Variants in CCDC90B observed in about 807,000 individuals in gnomAD.
CCDC90B encodes the protein coiled-coil domain-containing protein 90B, mitochondrial.
In CCDC90B, 24 loss-of-function variants were observed where a neutral mutation model predicts 37.0. The ratio of observed to expected loss-of-function variants is 0.65; its 90% CI spans 0.47 to 0.91. The LOEUF is 0.91. Among genes scored for constraint, CCDC90B ranks in the 40% least tolerant of loss-of-function variants. CCDC90B has a pLI of 0.00. For missense variants in CCDC90B, 319 were observed against 299.0 expected (o/e 1.07, Z -0.49); for synonymous variants, 113 against 101.1 (o/e 1.12, Z -0.71).
chr11:83,262,656 T>C (rs1863993776), intron 8 of CCDC90B, among the ~76,000 whole-genome samples: 1 of 152,168 alleles, frequency 6.6e-6, no homozygotes, highest in South Asian at 2.1e-4. Flanking sequence ...GAGAGATGAA[T>C]GGAAAACTTT....
intron 8 of CCDC90B, 147 bp from the exon 9 acceptor site, chr11:83,262,113 A>T: frequency 1.8e-6 from 1 of 545,852 alleles, no homozygotes. Context: ...CTAGACAATT[A>T]AGTATGAAAG....
chr11:83,280,599 A>G (rs946128280), intron 1 of CCDC90B, among the ~76,000 whole-genome samples: 9 of 152,258 alleles, frequency 5.9e-5, no homozygotes, highest in East Asian at 1.9e-4. Flanking sequence ...GCACAATTCA[A>G]TTCTTCTCTG....
Position 83,259,614 on chromosome 11 carries a change from G to C in CCDC90B, c.*2297C>G, listed in dbSNP as rs570804342. The stretch of plus-strand genomic sequence containing the variant: ...GATGAAGAATGAATAAACTAATATA[G>C]AGGCCTAAAAAACACCTTTATTTGC... On this transcript the variant is annotated 3_prime_UTR_variant, in exon 9 of 9. Transcript: ENST00000529689. 100 of 152,212 alleles carry C rather than the reference G, an allele frequency of 6.6e-4. No homozygotes were observed. Among genetic ancestry groups the C allele is most frequent in the African/African-American group, 2.3e-3 (95 of 41,546 alleles). 9.4% of individuals were successfully genotyped at this position (152,212 alleles called of 1,614,324 possible). A position where few individuals can be genotyped will look rare whatever the true frequency, so the allele number is the denominator to read the frequency against.
intron 7 of CCDC90B, among the ~76,000 whole-genome samples, chr11:83,266,561 C>T (rs759902085): frequency 7.2e-5 from 11 of 152,226 alleles, no homozygotes; most frequent in Non-Finnish European, 1.0e-4. Context: ...AAGGGGCATC[C>T]GCCATTGCTG....
intron 1 of CCDC90B, among the ~76,000 whole-genome samples, chr11:83,282,617 A>G (rs557446665): frequency 1.8e-4 from 27 of 152,236 alleles, no homozygotes; most frequent in African/African-American, 6.3e-4. Context: ...TTCCACAAAC[A>G]TGCCATGTGC....
chr11:83,273,914 G>T (rs778743119), intron 5 of CCDC90B, 37 bp downstream of exon 5: 4 of 1,590,480 alleles, frequency 2.5e-6, no homozygotes, highest in Non-Finnish European at 3.4e-6. Flanking sequence ...ACGAATATTT[G>T]TTCTGAAATT....
At position 83,285,978 on chromosome 11, in the gene CCDC90B, CAG is replaced by C. The variant is rs1565223766; in HGVS notation, c.-8_-7del. 1.9e-6 allele frequency: 3 copies of C among 1,607,240 alleles called. No homozygotes were observed. The highest frequency in any genetic ancestry group is 2.2e-5 in the East Asian group (1 of 44,564). On this transcript the variant is annotated 5_prime_UTR_variant, in exon 1 of 9. Transcript: ENST00000529689. ...CAAGCCTGGCGACTATTCATGTCCT[CAG>C]AGTTTTCCGGTGGGAGGGAGGCGGA... is the stretch of plus-strand genomic sequence containing the variant.
intron 8 of CCDC90B, among the ~76,000 whole-genome samples, chr11:83,263,041 C>G (rs1241894016): frequency 6.6e-6 from 1 of 152,080 alleles, no homozygotes; most frequent in Non-Finnish European, 1.5e-5. Context: ...CGCTAGCAAA[C>G]AGTGGAGCCG....
rs1338430128 is a variant in CCDC90B, at chr11:83,260,619, C to T, written c.*1292G>A. ...TGCAGATTCCCTGTTTATAGCTAAA[C>T]AAATGACAAGGCTATTTTGAATAAT... On this transcript the variant is annotated 3_prime_UTR_variant, in exon 9 of 9. Coordinates refer to ENST00000529689, the MANE Select transcript of CCDC90B (RefSeq NM_021825.5). The T allele has an allele frequency of 6.6e-6, 1 of 152,166 alleles. No individual in the cohort carries two copies. Among genetic ancestry groups the T allele is most frequent in the Non-Finnish European group, 1.5e-5 (1 of 68,030 alleles). 9.4% of individuals were successfully genotyped at this position (152,166 alleles called of 1,614,324 possible).
chr11:83,267,607 G>A (rs1801354721), intron 7 of CCDC90B: 1 of 152,116 alleles, frequency 6.6e-6, no homozygotes, highest in Non-Finnish European at 1.5e-5. Flanking sequence ...AAGAAATATG[G>A]GACTATGTGA....
At position 83,261,873 on chromosome 11, in the gene CCDC90B, C is replaced by T; in HGVS notation, c.*38G>A. 1 of 1,495,598 alleles carries T rather than the reference C, an allele frequency of 6.7e-7. No homozygotes were observed. The highest frequency in any genetic ancestry group is 9.2e-7 in the Non-Finnish European group (1 of 1,091,116). 92.6% of individuals were successfully genotyped at this position (1,495,598 alleles called of 1,614,324 possible). On this transcript the variant is annotated 3_prime_UTR_variant, in exon 9 of 9. Transcript: ENST00000529689. ...AGTAAATCTCTCCCGGTTTGGTGTT[C>T]TAAGAAGCCAACAGCCACAGCAGGA...
intron 7 of CCDC90B, among the ~76,000 whole-genome samples, chr11:83,266,696 CAGA>C (rs1261549878): frequency 2.0e-5 from 3 of 152,082 alleles, no homozygotes; most frequent in Admixed American, 1.3e-4. Flanking sequence ...CAAAAGGCAG[CAGA>C]CAACTTCTGC....
At chr11:83,283,440 A>G (rs995777232) in intron 1 of CCDC90B, among the ~76,000 whole-genome samples, 5 of 152,246 alleles carry the variant, frequency 3.3e-5, no homozygotes, top group African/African-American at 9.6e-5. Flanking sequence ...ACAGAAGGAT[A>G]TGTAAAACAT....
chr11:83,278,820 T>A lies in CCDC90B; in HGVS notation c.230A>T (p.Lys77Ile), dbSNP rs143522058. The change falls in exon 3 of 9, where the codon AAA becomes ATA. Residue 77 changes from lysine to isoleucine, a missense_variant. Coordinates refer to ENST00000529689, the MANE Select transcript of CCDC90B (RefSeq NM_021825.5). ...VQDLETHGFD[K>I]TQAETIVSAL... is the part of the protein sequence containing the mutation. ...TGATACAATTGTTTCTGCTTGTGTT[T>A]TGTCAAATCCTGTAGGCAGCAAATA... 4 of 1,612,214 alleles carry A rather than the reference T, an allele frequency of 2.5e-6. No individual in the cohort carries two copies. The African/African-American group carries it at 5.3e-5, about 22-fold the overall frequency.
Position 83,286,056 on chromosome 11 carries a change from C to A in CCDC90B, c.-84G>T. 6.5e-7 allele frequency: 1 copy of A among 1,545,150 alleles called. No homozygotes were observed. The highest frequency in any genetic ancestry group is 8.7e-7 in the Non-Finnish European group (1 of 1,147,840). On this transcript the variant is annotated 5_prime_UTR_variant, in exon 1 of 9. Transcript: ENST00000529689. ...TTCGGGCAAGGTAGTTCTGGCACCA[C>A]AGGAATGCTGGGAATTGTAGTTTTC...
At chr11:83,268,199 A>T (rs1267319805) in intron 7 of CCDC90B, among the ~76,000 whole-genome samples, 1 of 152,242 alleles carries the variant, frequency 6.6e-6, no homozygotes, top group Non-Finnish European at 1.5e-5. Flanking sequence ...GCATCAATTA[A>T]TGGGCAAAAT....
At position 83,276,805 on chromosome 11, in the gene CCDC90B, T is replaced by A. The variant is rs191627345; in HGVS notation, c.324+1921A>T. 5.3e-5 allele frequency among the ~76,000 whole-genome samples: 8 copies of A among 152,364 alleles called. No homozygotes were observed. The East Asian group carries it at 5.8e-4, about 11-fold the overall frequency. On this transcript the variant is annotated intron_variant, in intron 3 of 8. Transcript: ENST00000529689. Reference sequence around the variant, plus strand: ...AAATCTATTAAAAGTGTGATTTTTTTAAACTACTATGGAGCCATCAGAGAA... The same window carrying A: ...AAATCTATTAAAAGTGTGATTTTTTAAAACTACTATGGAGCCATCAGAGAA...
chr11:83,286,082 G>T lies in CCDC90B; in HGVS notation c.-110C>A. On this transcript the variant is annotated 5_prime_UTR_variant, in exon 1 of 9. Coordinates refer to ENST00000529689, the MANE Select transcript of CCDC90B (RefSeq NM_021825.5). Reference sequence around the variant, plus strand: ...AGGAATGCTGGGAATTGTAGTTTTCGCTCTGTCACAAGCTCACCTCCCAGC... The same window carrying T: ...AGGAATGCTGGGAATTGTAGTTTTCTCTCTGTCACAAGCTCACCTCCCAGC... The T allele has an allele frequency of 6.5e-7, 1 of 1,538,408 alleles. No individual in the cohort carries two copies. Among genetic ancestry groups the T allele is most frequent in the South Asian group, 1.2e-5 (1 of 84,066 alleles).
Position 83,286,155 on chromosome 11 carries a change from C to A in CCDC90B, c.-183G>T. The stretch of plus-strand genomic sequence containing the variant: ...GAAACTGGGTCTCTTCACAGACAGA[C>A]CCACAGTTCGCGAGCATGGCTCAGC... On this transcript the variant is annotated 5_prime_UTR_variant, in exon 1 of 9. Transcript: ENST00000529689. 1.3e-6 allele frequency: 2 copies of A among 1,536,170 alleles called. No homozygotes were observed. The highest frequency in any genetic ancestry group is 1.7e-6 in the Non-Finnish European group (2 of 1,146,890).
Sources: allele counts gnomAD v4.1 joint callset (sites outside exome capture counted in the v4.1 genomes callset), GRCh38; gene constraint gnomAD v4.1.1; transcripts MANE v1.5; gene names NCBI Gene and HGNC (gene_info 2026-07-23, HGNC 2026-07-21).